Variants in ZNF662 observed in about 807,000 individuals in gnomAD.
ZNF662 encodes zinc finger protein 662.
Under a neutral mutation model 12.4 loss-of-function variants are expected in ZNF662, and 14 were observed. That is an observed-to-expected ratio of 1.13 (90% CI 0.75 to 1.77). The LOEUF is 1.77. Among genes scored for constraint, ZNF662 ranks in the 40% most tolerant of loss-of-function variants. ZNF662 has a pLI of 0.00. For synonymous variants in ZNF662, 184 were observed against 176.4 expected, an observed-to-expected ratio of 1.04 and a Z score of -0.34; for missense variants, 550 against 515.6, an observed-to-expected ratio of 1.07 and a Z score of -0.65.
chr3:42,911,593 AAGTTAGTACTCAG>A, intron 3 of ZNF662, among the ~76,000 whole-genome samples: 1 of 152,316 alleles, frequency 6.6e-6, no homozygotes, highest in African/African-American at 2.4e-5. Flanking sequence ...TGTCTTACAG[AAGTTAGTACTCAG>A]AGGATACATA....
At chr3:42,908,697 TCCCC>T in intron 2 of ZNF662, 92 bp from the exon 3 acceptor site, 1 of 1,473,660 alleles carries the variant, frequency 6.8e-7, no homozygotes, top group Non-Finnish European at 9.1e-7. Flanking sequence ...TCCGTTTTTT[TCCCC>T]TCCTACCCCT....
intron 2 of ZNF662, chr3:42,908,370 C>T: frequency 7.4e-7 from 1 of 1,344,484 alleles, no homozygotes; most frequent in Non-Finnish European, 9.5e-7. Flanking sequence ...AGGTGCCAAA[C>T]CCCTACCCTT....
rs934756152 is a variant in ZNF662 at position 42,906,293 on chromosome 3, C to G, written c.-94+125C>G. ...CAGGTGCAGAGCGCTCTTCCGCGAC[C>G]CCAACAGCCTCTGGTCCGGTCTGGC... On this transcript the variant is annotated intron_variant, in intron 1 of 4. Transcript: ENST00000440367. This position sits in a 1 kb window ranked among gnomAD's most constrained non-coding sequence, Gnocchi z 4.4. The G allele has an allele frequency of 4.0e-6, 6 of 1,491,488 alleles. No homozygotes were observed. The highest frequency in any genetic ancestry group is 5.4e-6 in the Non-Finnish European group (6 of 1,116,462). The allele number at this position is 1,491,488 out of a possible 1,614,324, so 92.4% of individuals were successfully genotyped here.
Position 42,908,063 on chromosome 3 carries a change from G to A in ZNF662, c.-52G>A. On this transcript the variant is annotated 5_prime_UTR_variant, in exon 2 of 5. Coordinates refer to ENST00000440367, the MANE Select transcript of ZNF662 (RefSeq NM_207404.4). The stretch of plus-strand genomic sequence containing the variant: ...AGGATGTGGCCGTCTACTTCTCTGA[G>A]AACGAATGGATCGGCCTGGGCCCTG... The A allele has an allele frequency of 1.9e-6, 3 of 1,614,204 alleles. No homozygotes were observed. The highest frequency in any genetic ancestry group is 2.5e-6 in the Non-Finnish European group (3 of 1,180,030).
At chr3:42,908,219 C>T (rs1361293776) in intron 2 of ZNF662, 71 bp downstream of exon 2, 7 of 1,546,848 alleles carry the variant, frequency 4.5e-6, no homozygotes, top group African/African-American at 1.4e-5. Flanking sequence ...CTCAAAGGCT[C>T]AGGAGTTGTT....
At chr3:42,910,244 C>T (rs1347821142) in intron 3 of ZNF662, among the ~76,000 whole-genome samples, 3 of 152,118 alleles carry the variant, frequency 2.0e-5, no homozygotes, top group Non-Finnish European at 4.4e-5. Context: ...CCCAGGCACT[C>T]GGCAGGCTGA....
Position 42,917,110 on chromosome 3 carries a change from C to T in ZNF662, c.*1756C>T, listed in dbSNP as rs1171236539. 5.2e-6 allele frequency: 1 copy of T among 193,770 alleles called. No individual in the cohort carries two copies. The highest frequency in any genetic ancestry group is 1.0e-5 in the Non-Finnish European group (1 of 96,868). The allele number at this position is 193,770 out of a possible 1,614,324, so 12.0% of individuals were successfully genotyped here. Reference sequence around the variant, plus strand: ...TGAAATCAGGAGTTTTATAAAACAACATTTTTAGACGTGGTCATCTTTTAT... The same window carrying T: ...TGAAATCAGGAGTTTTATAAAACAATATTTTTAGACGTGGTCATCTTTTAT... On this transcript the variant is annotated 3_prime_UTR_variant, in exon 5 of 5. Coordinates refer to ENST00000440367, the MANE Select transcript of ZNF662 (RefSeq NM_207404.4).
chr3:42,907,618 AC>A, intron 1 of ZNF662: 1 of 920,342 alleles, frequency 1.1e-6, no homozygotes, highest in South Asian at 5.0e-5. Flanking sequence ...ATGAGACATA[AC>A]AAAGAATATA....
chr3:42,912,377 TA>T (rs1328502968), intron 3 of ZNF662, among the ~76,000 whole-genome samples: 6 of 100,522 alleles, frequency 6.0e-5, no homozygotes, highest in East Asian at 2.7e-4. Flanking sequence ...TATGATATAT[TA>T]AATATATATA....
Position 42,918,403 on chromosome 3 carries a change from C to T in ZNF662, c.*3049C>T, listed in dbSNP as rs566747172. Among the ~76,000 whole-genome samples the T allele has an allele frequency of 1.3e-5, 2 of 152,096 alleles. No individual in the cohort carries two copies. The highest frequency in any genetic ancestry group is 2.9e-5 in the Non-Finnish European group (2 of 68,014). On this transcript the variant is annotated 3_prime_UTR_variant, in exon 5 of 5. Coordinates refer to ENST00000440367, the MANE Select transcript of ZNF662 (RefSeq NM_207404.4). The stretch of plus-strand genomic sequence containing the variant: ...AGGCCACCACACATGAGCTGAAGAG[C>T]CTAGTCTTCTCCCCCTGCATGAATT...
chr3:42,910,251 C>A (rs1056926176), intron 3 of ZNF662, among the ~76,000 whole-genome samples: 4 of 152,178 alleles, frequency 2.6e-5, no homozygotes, highest in Non-Finnish European at 4.4e-5. Flanking sequence ...ACTCGGCAGG[C>A]TGAGGCAGGA....
In ZNF662 at chr3:42,917,887, A is replaced by G. The variant is rs1463716777; in HGVS notation, c.*2533A>G. Among the ~76,000 whole-genome samples the G allele has an allele frequency of 2.0e-5, 3 of 152,232 alleles. No homozygotes were observed. The highest frequency in any genetic ancestry group is 6.5e-5 in the Admixed American group (1 of 15,282). ...TTTGGGAGGCCAAGGTGGGCAGATC[A>G]CCTGAGATTGGGAGTTCAAGACCAG... On this transcript the variant is annotated 3_prime_UTR_variant, in exon 5 of 5. Transcript: ENST00000440367.
intron 3 of ZNF662, among the ~76,000 whole-genome samples, chr3:42,909,373 G>A (rs1006755422): frequency 2.6e-5 from 4 of 152,124 alleles, no homozygotes; most frequent in African/African-American, 9.7e-5. Context: ...AGAGAGCACG[G>A]GGTTGGGGGT....
chr3:42,906,407 T>A lies in ZNF662; in HGVS notation c.-94+239T>A. 1 of 1,505,290 alleles carries A rather than the reference T, an allele frequency of 6.6e-7. No individual in the cohort carries two copies. Among genetic ancestry groups the A allele is most frequent in the Non-Finnish European group, 8.8e-7 (1 of 1,131,194 alleles). 93.2% of individuals were successfully genotyped at this position (1,505,290 alleles called of 1,614,324 possible). The stretch of plus-strand genomic sequence containing the variant: ...CGCCTCGGCCTTGTCCTCGAGCTGC[T>A]CCCGGGACAGCCCGCGCTGCCCCGG... On this transcript the variant is annotated intron_variant, in intron 1 of 4. Coordinates refer to ENST00000440367, the MANE Select transcript of ZNF662 (RefSeq NM_207404.4). The surrounding 1 kb of genome is among the most constrained non-coding windows in gnomAD (Gnocchi z 4.4).
At chr3:42,909,011 G>T in intron 3 of ZNF662, 102 bp downstream of exon 3, 1 of 709,388 alleles carries the variant, frequency 1.4e-6, no homozygotes, top group Admixed American at 3.3e-5. Context: ...GTAGACACTA[G>T]TGGGATTGCA....
rs1464569520 is a variant in ZNF662 at position 42,918,188 on chromosome 3, T to A, written c.*2834T>A. On this transcript the variant is annotated 3_prime_UTR_variant, in exon 5 of 5. Coordinates refer to ENST00000440367, the MANE Select transcript of ZNF662 (RefSeq NM_207404.4). ...TACTACTAAGTGATGCTTTAAGTCA[T>A]ACCATTAGTGCAGGAATTTTTGCTC... 6.6e-6 allele frequency among the ~76,000 whole-genome samples: 1 copy of A among 152,188 alleles called. No homozygotes were observed. Among genetic ancestry groups the A allele is most frequent in the Non-Finnish European group, 1.5e-5 (1 of 68,032 alleles).
chr3:42,912,683 A>AATATATATATT (rs2088833982), intron 3 of ZNF662, among the ~76,000 whole-genome samples: 1 of 18,786 alleles, frequency 5.3e-5, no homozygotes, highest in Non-Finnish European at 1.3e-4. Flanking sequence ...ATATATATAA[A>AATATATATATT]TATATATATA....
rs375328789 is a variant in ZNF662 at position 42,917,039 on chromosome 3, C to T, written c.*1685C>T. ...TAAAACAAACACGAGGAACATGTAG[C>T]GTCTACACAGGAAAGTAAAGAATTA... On this transcript the variant is annotated 3_prime_UTR_variant, in exon 5 of 5. Transcript: ENST00000440367. 5.6e-4 allele frequency: 87 copies of T among 155,936 alleles called. 2 individuals carry two copies. In the South Asian group the frequency reaches 0.015, roughly 26 times the overall value. The allele number at this position is 155,936 out of a possible 1,614,324, so 9.7% of individuals were successfully genotyped here. A position where few individuals can be genotyped will look rare whatever the true frequency, so the allele number is the denominator to read the frequency against.
chr3:42,911,085 A>G (rs1022415932), intron 3 of ZNF662, among the ~76,000 whole-genome samples: 4 of 152,200 alleles, frequency 2.6e-5, no homozygotes, highest in Non-Finnish European at 5.9e-5. Flanking sequence ...GAAACCTGGC[A>G]GGCCTTCCTT....
Sources: allele counts gnomAD v4.1 joint callset (sites outside exome capture counted in the v4.1 genomes callset), GRCh38; gene constraint gnomAD v4.1.1; non-coding constraint Gnocchi (gnomAD v3.1); transcripts MANE v1.5; gene names NCBI Gene and HGNC (gene_info 2026-07-23, HGNC 2026-07-21).